The following MTHFS variants were observed in gnomAD, a reference collection of about 807,000 sequenced individuals.
MTHFS encodes the protein 5-formyltetrahydrofolate cyclo-ligase.
In MTHFS, 7 loss-of-function variants were observed where a neutral mutation model predicts 12.7. That is an observed-to-expected ratio of 0.55 (90% confidence interval 0.31 to 1.03). The LOEUF (loss-of-function observed/expected upper bound fraction) is 1.03. Among genes scored for constraint, MTHFS ranks in the 50% least tolerant of loss-of-function variants. The pLI is 0.05. For missense variants in MTHFS, 252 were observed against 258.1 expected (o/e 0.98, Z 0.16); for synonymous variants, 100 against 97.1 (o/e 1.03, Z -0.18).
rs1331244425 is a variant in MTHFS, at chr15:79,889,737, A to G, written c.118-383T>C. Among the ~76,000 whole-genome samples, 3 of 152,092 alleles carry G rather than the reference A, an allele frequency of 2.0e-5. No individual in the cohort carries two copies. In the East Asian group the frequency reaches 5.8e-4, roughly 29 times the overall value. ...AGAGTATGCTTTATTTTACCTCTGTATCTTGGCTCCCACAAGCTTCTCCAC... is the reference window on the plus strand; with the variant it reads ...AGAGTATGCTTTATTTTACCTCTGTGTCTTGGCTCCCACAAGCTTCTCCAC... On this transcript the variant is annotated intron_variant, in intron 1 of 2. Transcript: ENST00000258874.
At chr15:79,882,975 C>A (rs561601891) in intron 2 of MTHFS, among the ~76,000 whole-genome samples, 32 of 152,290 alleles carry the variant, frequency 2.1e-4, no homozygotes, top group African/African-American at 7.2e-4. Flanking sequence ...GGAGGCCAAG[C>A]CAGGAGGATT....
chr15:79,865,702 C>G (rs1442802721), intron 2 of MTHFS, among the ~76,000 whole-genome samples: 2 of 152,188 alleles, frequency 1.3e-5, no homozygotes, highest in Non-Finnish European at 2.9e-5. Context: ...GGCCATGAAT[C>G]CTAACAAAGG....
chr15:79,860,782 T>C (rs1017236744), intron 2 of MTHFS, among the ~76,000 whole-genome samples: 12 of 152,326 alleles, frequency 7.9e-5, no homozygotes, highest in African/African-American at 2.9e-4. Flanking sequence ...AATGAATTTC[T>C]TCTGAGAATA....
chr15:79,871,639 A>C (rs1467401856), intron 2 of MTHFS, among the ~76,000 whole-genome samples: 2 of 152,064 alleles, frequency 1.3e-5, no homozygotes, highest in African/African-American at 4.8e-5. Flanking sequence ...AATTATACAA[A>C]TATTCTCAGA....
At chr15:79,861,455 TTCAC>T (rs1419362381) in intron 2 of MTHFS, among the ~76,000 whole-genome samples, 1 of 152,290 alleles carries the variant, frequency 6.6e-6, no homozygotes, top group African/African-American at 2.4e-5. Context: ...ATTTCGGCCA[TTCAC>T]TCACTCAGGG....
Position 79,845,546 on chromosome 15 carries a change from TA to T in MTHFS, c.380-105del, listed in dbSNP as rs2033597639. ...TGACATCAATTCTTTCTCTGATTTC[TA>T]AAAACAATGTGTGACCATTAATATC... On this transcript the variant is annotated intron_variant, in intron 2 of 2. Transcript: ENST00000258874. The T allele has an allele frequency of 2.8e-6, 4 of 1,425,534 alleles. No individual in the cohort carries two copies. The East Asian group carries it at 9.6e-5, about 34-fold the overall frequency. 88.3% of individuals were successfully genotyped at this position (1,425,534 alleles called of 1,614,324 possible).
upstream of MTHFS, chr15:79,897,111 GC>G (rs5813998): frequency 1.2e-6 from 1 of 843,370 alleles, no homozygotes; most frequent in Non-Finnish European, 1.7e-6. Context: ...TCGGGGAAGC[GC>G]CCCCACCCCG....
At chr15:79,848,054 A>C (rs1379640991) in intron 2 of MTHFS, among the ~76,000 whole-genome samples, 1 of 152,218 alleles carries the variant, frequency 6.6e-6, no homozygotes, top group Non-Finnish European at 1.5e-5. Flanking sequence ...TTGCACTCCC[A>C]CGTTCATTGC....
chr15:79,849,872 C>T (rs1161573331), intron 2 of MTHFS, among the ~76,000 whole-genome samples: 1 of 152,222 alleles, frequency 6.6e-6, no homozygotes, highest in Non-Finnish European at 1.5e-5. Flanking sequence ...AACTACAAAG[C>T]TAACCTTTGG....
chr15:79,856,957 C>A (rs912193277), intron 2 of MTHFS, among the ~76,000 whole-genome samples: 4 of 146,402 alleles, frequency 2.7e-5, no homozygotes, highest in African/African-American at 1.0e-4. Flanking sequence ...GGAGCTATTT[C>A]TATTTTTCTC....
intron 2 of MTHFS, among the ~76,000 whole-genome samples, chr15:79,864,501 C>T (rs568238102): frequency 2.3e-5 from 3 of 130,976 alleles, no homozygotes; most frequent in South Asian, 2.5e-4. Flanking sequence ...GCCTAGATTG[C>T]GCCACTGCAC....
At chr15:79,891,335 AGAAG>A (rs2034468244) in intron 1 of MTHFS, among the ~76,000 whole-genome samples, 2 of 152,198 alleles carry the variant, frequency 1.3e-5, no homozygotes, top group African/African-American at 4.8e-5. Context: ...AATACAAAAT[AGAAG>A]GATGGGGAAA....
chr15:79,852,180 G>C (rs2033727530), intron 2 of MTHFS, among the ~76,000 whole-genome samples: 2 of 152,158 alleles, frequency 1.3e-5, no homozygotes, highest in South Asian at 4.1e-4. Flanking sequence ...GATAGCTCTT[G>C]AGGCAGAACT....
chr15:79,895,944 C>T (rs562182709), intron 1 of MTHFS, among the ~76,000 whole-genome samples: 3 of 152,292 alleles, frequency 2.0e-5, no homozygotes, highest in African/African-American at 7.2e-5. Context: ...ATTCAGGGGA[C>T]ATTAAATTTT....
chr15:79,860,233 C>T (rs569050178), intron 2 of MTHFS, among the ~76,000 whole-genome samples: 101 of 151,870 alleles, frequency 6.7e-4, no homozygotes, highest in African/African-American at 2.2e-3. Flanking sequence ...ACCAAAAATA[C>T]AAAAAATTAG....
intron 1 of MTHFS, among the ~76,000 whole-genome samples, chr15:79,891,963 C>CA (rs57309663): frequency 0.34 from 28,378 of 84,188 alleles, 3,768 homozygotes; most frequent in East Asian, 0.38. Context: ...AACTCCATCT[C>CA]AAAAAAAAAA....
At chr15:79,890,863 C>A (rs1157524335) in intron 1 of MTHFS, among the ~76,000 whole-genome samples, 1 of 152,176 alleles carries the variant, frequency 6.6e-6, no homozygotes, top group Non-Finnish European at 1.5e-5. Context: ...TAGACCTGGG[C>A]AGGCCTGGGG....
intron 1 of MTHFS, among the ~76,000 whole-genome samples, chr15:79,896,493 T>A (rs934099361): frequency 6.6e-6 from 1 of 152,178 alleles, no homozygotes; most frequent in African/African-American, 2.4e-5. Flanking sequence ...TGTTCACCCA[T>A]CTCCTCTACC....
intron 2 of MTHFS, among the ~76,000 whole-genome samples, chr15:79,864,469 C>CG (rs1265701249): frequency 1.4e-5 from 2 of 140,440 alleles, no homozygotes; most frequent in Non-Finnish European, 3.0e-5. Context: ...CGCTTGAACC[C>CG]GGGAGGTGGA....
Sources: allele counts gnomAD v4.1 joint callset (sites outside exome capture counted in the v4.1 genomes callset), GRCh38; gene constraint gnomAD v4.1.1; transcripts MANE v1.5; gene names NCBI Gene and HGNC (gene_info 2026-07-23, HGNC 2026-07-21).